Variants in CAMK1G observed in about 807,000 individuals in gnomAD.
CAMK1G encodes the protein calcium/calmodulin-dependent protein kinase type 1G.
CAMK1G carries 27 observed loss-of-function variants against 54.8 expected under a neutral mutation model. The ratio of observed to expected loss-of-function variants is 0.49; its 90% confidence interval spans 0.36 to 0.68. The LOEUF (loss-of-function observed/expected upper bound fraction) is 0.68, where lower values mean the gene tolerates loss of function less well. Ranked by LOEUF, CAMK1G falls within the 30% of genes least tolerant of loss-of-function variation. The pLI, the probability that CAMK1G is intolerant of heterozygous loss-of-function variation, is 0.00. For missense variants in CAMK1G, 512 were observed against 591.0 expected, an observed-to-expected ratio of 0.87 and a Z score of 1.39; for synonymous variants, 238 against 224.9, an observed-to-expected ratio of 1.06 and a Z score of -0.52.
At chr1:209,596,421 G>T (rs1160002438) in intron 2 of CAMK1G, among the ~76,000 whole-genome samples, 1 of 152,136 alleles carries the variant, frequency 6.6e-6, no homozygotes, top group Admixed American at 6.6e-5. Flanking sequence ...TGTGCTGTAG[G>T]ACTCAAAAGA....
At chr1:209,604,567 T>C (rs936730864) in intron 4 of CAMK1G, among the ~76,000 whole-genome samples, 1 of 152,134 alleles carries the variant, frequency 6.6e-6, no homozygotes, top group Non-Finnish European at 1.5e-5. Flanking sequence ...TTCTTTTCCC[T>C]CATCACTAGT....
At chr1:209,587,956 A>G (rs1305139391) in intron 1 of CAMK1G, among the ~76,000 whole-genome samples, 1 of 152,220 alleles carries the variant, frequency 6.6e-6, no homozygotes, top group African/African-American at 2.4e-5. Flanking sequence ...CAAGGCCCAT[A>G]GGCTTTTCTG....
At chr1:209,587,131 T>C (rs1372913762) in intron 1 of CAMK1G, among the ~76,000 whole-genome samples, 1 of 151,956 alleles carries the variant, frequency 6.6e-6, no homozygotes, top group Non-Finnish European at 1.5e-5. Context: ...AGCCAGAAGC[T>C]TCCTGAAGCC....
In CAMK1G at chr1:209,600,027, G is replaced by A; in HGVS notation, c.137G>A (p.Gly46Glu). The stretch of plus-strand genomic sequence containing the variant: ...TTCCTGGTGAAGCAAAGACTGACTG[G>A]GAAGCTCTTTGCTCTGAAGTGCATC... Reference protein sequence around the residue: ...EVFLVKQRLTGKLFALKCIKK... With the variant: ...EVFLVKQRLTEKLFALKCIKK... Residue 46 changes from glycine (G) to glutamate (E), a missense_variant, in exon 3 of 13, where the codon GGG (glycine) becomes GAG (glutamate). Gly to Glu is a moderately conservative substitution (Grantham distance 98, BLOSUM62 -2). This residue lies in a region of CAMK1G where 186 missense variants were observed against 231.5 expected (regional missense o/e 0.80). Coordinates refer to ENST00000361322, the MANE Select transcript of CAMK1G (RefSeq NM_020439.3). 1 of 1,613,864 alleles carries A rather than the reference G, an allele frequency of 6.2e-7. No individual in the cohort carries two copies. Among genetic ancestry groups the A allele is most frequent in the Non-Finnish European group, 8.5e-7 (1 of 1,179,854 alleles).
chr1:209,609,925 C>A lies in CAMK1G; in HGVS notation c.823C>A (p.Pro275Thr). 6.2e-7 allele frequency: 1 copy of A among 1,613,810 alleles called. No homozygotes were observed. Among genetic ancestry groups the A allele is most frequent in the Non-Finnish European group, 8.5e-7 (1 of 1,179,718 alleles). Reference protein sequence around the residue: ...RYTCEKALSHPWIDGNTALHR... With the variant: ...RYTCEKALSHTWIDGNTALHR... ...CACCTGTGAGAAGGCCTTGAGTCAT[C>A]CCTGGTGAGTGAGACATGGAGTGGA... Residue 275 changes from proline to threonine, a missense_variant, in exon 9 of 13, where the codon CCC becomes ACC. Transcript: ENST00000361322.
At chr1:209,584,614 A>G (rs1266292084) in intron 1 of CAMK1G, among the ~76,000 whole-genome samples, 1 of 152,142 alleles carries the variant, frequency 6.6e-6, no homozygotes, top group African/African-American at 2.4e-5. Flanking sequence ...ATTAACCCTG[A>G]GGCTCCCGGA....
At chr1:209,607,768 A>C in intron 6 of CAMK1G, 90 bp from the exon 7 acceptor site, 1 of 1,030,536 alleles carries the variant, frequency 9.7e-7, no homozygotes, top group Non-Finnish European at 1.5e-6. Flanking sequence ...AGTCTTCCCC[A>C]GACCTCTTCT....
In CAMK1G at chr1:209,611,480, AG is replaced by A; in HGVS notation, c.844del (p.Ala282ProfsTer36). ...LSHPWIDGNTALHRDIYPSVS... is the reference protein window; with the variant it reads ...LSHPWIDGNTXLHRDIYPSVS... ...ACATCCACAGGATTGACGGAAACAC[AG>A]CCCTCCACCGGGACATCTACCCATC... On this transcript the variant is annotated frameshift_variant, in exon 10 of 13. Coordinates refer to ENST00000361322, the MANE Select transcript of CAMK1G (RefSeq NM_020439.3). LOFTEE classifies it high-confidence loss of function. 6.2e-7 allele frequency: 1 copy of A among 1,614,174 alleles called. No homozygotes were observed. The highest frequency in any genetic ancestry group is 8.5e-7 in the Non-Finnish European group (1 of 1,180,012).
rs939592066 is a variant in CAMK1G at position 209,606,581 on chromosome 1, T to C, written c.559+138T>C. 1.0e-5 allele frequency: 10 copies of C among 963,780 alleles called. No individual in the cohort carries two copies. In the African/African-American group the frequency reaches 1.5e-4, roughly 14 times the overall value. The allele number at this position is 963,780 out of a possible 1,614,324, so 59.7% of individuals were successfully genotyped here. On this transcript the variant is annotated intron_variant, in intron 6 of 12. Coordinates refer to ENST00000361322, the MANE Select transcript of CAMK1G (RefSeq NM_020439.3). ...CTGGTAGGACATCCACTTATAAAGT[T>C]TAGGGCCAGCCAATTCATCCGTCTC...
chr1:209,595,833 G>A (rs570564493), intron 2 of CAMK1G, among the ~76,000 whole-genome samples: 26 of 152,320 alleles, frequency 1.7e-4, no homozygotes, highest in Admixed American at 1.2e-3. Flanking sequence ...GCACCTTGAA[G>A]ATGATTACAT....
Position 209,613,111 on chromosome 1 carries a change from G to A in CAMK1G, c.*109G>A, listed in dbSNP as rs1259012888. The A allele has an allele frequency of 8.8e-6, 4 of 455,748 alleles. No individual in the cohort carries two copies. Among genetic ancestry groups the A allele is most frequent in the African/African-American group, 2.0e-5 (1 of 50,738 alleles). The allele number at this position is 455,748 out of a possible 1,614,324, so 28.2% of individuals were successfully genotyped here. ...GCAGAGGGAGGAAGGCAGAGCAAGT[G>A]GAGCAGGGCTTAGCAGGAGCAGTTT... On this transcript the variant is annotated 3_prime_UTR_variant, in exon 13 of 13. Coordinates refer to ENST00000361322, the MANE Select transcript of CAMK1G (RefSeq NM_020439.3).
chr1:209,602,655 T>C (rs1286516901), intron 3 of CAMK1G, among the ~76,000 whole-genome samples: 1 of 152,244 alleles, frequency 6.6e-6, no homozygotes, highest in African/African-American at 2.4e-5. Context: ...AATTATTTTT[T>C]AAATATTATG....
chr1:209,593,524 AC>A (rs1426807757), intron 1 of CAMK1G, among the ~76,000 whole-genome samples: 2 of 151,864 alleles, frequency 1.3e-5, no homozygotes, highest in Non-Finnish European at 2.9e-5. Context: ...CAACCATTTA[AC>A]CCCACCCCAA....
Position 209,611,353 on chromosome 1 carries a change from TTCCTC to T in CAMK1G, c.828-110_828-106del. 3.4e-6 allele frequency: 3 copies of T among 886,276 alleles called. No homozygotes were observed. The Admixed American group carries it at 6.9e-5, about 20-fold the overall frequency. 54.9% of individuals were successfully genotyped at this position (886,276 alleles called of 1,614,324 possible). Reference sequence around the variant, plus strand: ...AGCCCTTTCCTGCTGTGGGCTGTCTTTCCTCTGCACACTCTACCCAGCTCTCACCT... The same window carrying T: ...AGCCCTTTCCTGCTGTGGGCTGTCTTTGCACACTCTACCCAGCTCTCACCT... On this transcript the variant is annotated intron_variant, in intron 9 of 12. Transcript: ENST00000361322.
chr1:209,608,778 G>C (rs1426782799), intron 7 of CAMK1G, among the ~76,000 whole-genome samples: 1 of 152,224 alleles, frequency 6.6e-6, no homozygotes, highest in African/African-American at 2.4e-5. Flanking sequence ...GGATGACTGT[G>C]CCAAGGCTTG....
At chr1:209,602,154 G>A (rs1211107279) in intron 3 of CAMK1G, among the ~76,000 whole-genome samples, 1 of 152,126 alleles carries the variant, frequency 6.6e-6, no homozygotes, top group Non-Finnish European at 1.5e-5. Flanking sequence ...CCATGATGCT[G>A]TCGACATTTT....
chr1:209,592,475 C>G (rs1665282149), intron 1 of CAMK1G, among the ~76,000 whole-genome samples: 1 of 152,030 alleles, frequency 6.6e-6, no homozygotes, highest in Non-Finnish European at 1.5e-5. Flanking sequence ...GTTTTGGAGT[C>G]TCTGCCCAGC....
intron 6 of CAMK1G, among the ~76,000 whole-genome samples, chr1:209,607,262 C>T (rs1665673111): frequency 6.6e-6 from 1 of 152,298 alleles, no homozygotes; most frequent in South Asian, 2.1e-4. Context: ...TCTCTACACC[C>T]CACAGGGCTC....
chr1:209,596,347 C>A (rs1268485372), intron 2 of CAMK1G, among the ~76,000 whole-genome samples: 1 of 152,042 alleles, frequency 6.6e-6, no homozygotes, highest in East Asian at 1.9e-4. Flanking sequence ...CTAAGTGTCC[C>A]AAAAATCCAG....
Sources: gnomAD v4.1 joint callset for allele counts (sites outside exome capture counted in the v4.1 genomes callset) on GRCh38, gnomAD v4.1.1 for gene constraint, gnomAD v4.1.1 regional missense constraint, MANE v1.5 for transcripts, NCBI Gene and HGNC (gene_info 2026-07-23, HGNC 2026-07-21) for gene names.